The following WWOX variants were observed in gnomAD, a reference collection of about 807,000 sequenced individuals.
The protein encoded by WWOX is WW domain containing oxidoreductase.
WWOX carries 69 observed loss-of-function variants against 46.2 expected under a neutral mutation model. The observed-to-expected ratio is 1.49, with a 90% confidence interval of 1.23 to 1.82. The LOEUF is 1.82. WWOX is among the 40% of genes most tolerant of loss of function. The pLI, the probability that WWOX is intolerant of heterozygous loss-of-function variation, is 0.00. For synonymous variants in WWOX, 359 were observed against 202.6 expected (o/e 1.77, Z -6.56); for missense variants, 919 against 542.6 (o/e 1.69, Z -6.89).
At position 79,095,686 on chromosome 16, in the gene WWOX, A is replaced by G. The variant is rs1002563929; in HGVS notation, c.1057-115922A>G. 9.2e-5 allele frequency among the ~76,000 whole-genome samples: 14 copies of G among 152,192 alleles called. No individual in the cohort carries two copies. In the South Asian group the frequency reaches 1.0e-3, roughly 11 times the overall value. ...TCAACATGGAACCATTATTTGTCAC[A>G]TGTGTTCTGTGTGCCAGGGACTGAG... On this transcript the variant is annotated intron_variant, in intron 8 of 8. Transcript: ENST00000566780.
intron 8 of WWOX, among the ~76,000 whole-genome samples, chr16:78,557,071 C>G (rs889747139): frequency 2.0e-5 from 3 of 151,992 alleles, no homozygotes; most frequent in African/African-American, 7.3e-5. Context: ...AGGGATTGTC[C>G]TAAGTGAGAA....
Position 78,280,721 on chromosome 16 carries a change from C to CT in WWOX, c.517-106138dup, listed in dbSNP as rs566853782. 5 of 152,310 alleles carry CT rather than the reference C, an allele frequency of 3.3e-5. 1 individual carries two copies. The East Asian group carries it at 9.6e-4, about 29-fold the overall frequency. The allele number at this position is 152,310 out of a possible 1,614,324, so 9.4% of individuals were successfully genotyped here. A position where few individuals can be genotyped will look rare whatever the true frequency, so the allele number is the denominator to read the frequency against. On this transcript the variant is annotated intron_variant, in intron 5 of 8. Transcript: ENST00000566780. ...CCTGTTTAGGAAAAAAAAAGCGCAG[C>CT]TCACTGCCAGCGCTCATTTAATTTT...
At chr16:78,395,660 A>G (rs903407967) in intron 6 of WWOX, among the ~76,000 whole-genome samples, 1 of 152,244 alleles carries the variant, frequency 6.6e-6, no homozygotes, top group Non-Finnish European at 1.5e-5. Flanking sequence ...CTAGGGTGAC[A>G]AGAGCCAAGA....
At chr16:78,365,194 T>C (rs1002466839) in intron 5 of WWOX, among the ~76,000 whole-genome samples, 9 of 152,204 alleles carry the variant, frequency 5.9e-5, no homozygotes, top group Non-Finnish European at 1.3e-4. Context: ...AAGTGCCCAG[T>C]TTAGTGCCTG....
intron 8 of WWOX, among the ~76,000 whole-genome samples, chr16:78,558,944 C>T (rs1037769875): frequency 6.6e-6 from 1 of 152,222 alleles, no homozygotes; most frequent in East Asian, 1.9e-4. Context: ...TTGTGGTTAT[C>T]TGTTTAATTC....
intron 8 of WWOX, among the ~76,000 whole-genome samples, chr16:78,663,309 T>C (rs2047259396): frequency 6.6e-6 from 1 of 152,210 alleles, no homozygotes; most frequent in Non-Finnish European, 1.5e-5. Context: ...ATTTCATGTA[T>C]TAATATTATG....
At chr16:78,974,252 T>C (rs57612067) in intron 8 of WWOX, among the ~76,000 whole-genome samples, 2,878 of 152,322 alleles carry the variant, frequency 0.019, 169 homozygotes, top group East Asian at 0.18. Flanking sequence ...AGAGAAAAAC[T>C]GTCTCTAATG....
intron 8 of WWOX, among the ~76,000 whole-genome samples, chr16:78,533,686 C>G (rs917130435): frequency 2.0e-5 from 3 of 152,150 alleles, no homozygotes; most frequent in Non-Finnish European, 4.4e-5. Flanking sequence ...ACCCATTTTC[C>G]CCAGACCTAA....
intron 8 of WWOX, among the ~76,000 whole-genome samples, chr16:78,773,970 G>C (rs1281966183): frequency 2.6e-5 from 4 of 152,216 alleles, no homozygotes; most frequent in Non-Finnish European, 5.9e-5. Context: ...GAAAGCATGT[G>C]GCTGAAATGA....
At chr16:79,087,164 T>G (rs2048868891) in intron 8 of WWOX, among the ~76,000 whole-genome samples, 1 of 152,134 alleles carries the variant, frequency 6.6e-6, no homozygotes, top group African/African-American at 2.4e-5. Flanking sequence ...TTCATGAAAT[T>G]TATGGAACAG....
Position 78,862,117 on chromosome 16 carries a change from T to G in WWOX, c.1057-349491T>G, listed in dbSNP as rs536214454. On this transcript the variant is annotated intron_variant, in intron 8 of 8. Coordinates refer to ENST00000566780, the MANE Select transcript of WWOX (RefSeq NM_016373.4). ...GTGTCTGTATCTATACACACACCTA[T>G]GGGTGTGTCTATCTATATCTATACA... is the stretch of plus-strand genomic sequence containing the variant. Among the ~76,000 whole-genome samples, 5 of 137,520 alleles carry G rather than the reference T, an allele frequency of 3.6e-5. No individual in the cohort carries two copies. The Admixed American group carries it at 3.7e-4, about 10-fold the overall frequency. 90.2% of individuals were successfully genotyped at this position (137,520 alleles called of 152,430 possible). A position where few individuals can be genotyped will look rare whatever the true frequency, so the allele number is the denominator to read the frequency against.
At chr16:79,009,366 A>G (rs2047257345) in intron 8 of WWOX, among the ~76,000 whole-genome samples, 1 of 152,134 alleles carries the variant, frequency 6.6e-6, no homozygotes, top group South Asian at 2.1e-4. Context: ...ACAAATGCTT[A>G]TGGAGCTCTA....
chr16:78,825,664 G>C, intron 8 of WWOX: 1 of 527,674 alleles, frequency 1.9e-6, no homozygotes, highest in Non-Finnish European at 3.7e-6. Flanking sequence ...ATGAATAGGG[G>C]GGCCATAGGC....
At chr16:78,295,066 G>C (rs1025430214) in intron 5 of WWOX, among the ~76,000 whole-genome samples, 7 of 152,162 alleles carry the variant, frequency 4.6e-5, no homozygotes, top group Non-Finnish European at 7.4e-5. Context: ...CCTAGGTATT[G>C]TGGGGCCGCT....
At chr16:79,146,172 G>C (rs2050179485) in intron 8 of WWOX, among the ~76,000 whole-genome samples, 1 of 152,300 alleles carries the variant, frequency 6.6e-6, no homozygotes, top group Middle Eastern at 3.4e-3. Context: ...TTATAATTTA[G>C]TCAGATGAGC....
intron 8 of WWOX, among the ~76,000 whole-genome samples, chr16:78,718,092 G>GTTTTTTTTTTTTTTTTTTTTTTTTTTTT: frequency 2.9e-5 from 4 of 139,612 alleles, no homozygotes; most frequent in Admixed American, 7.0e-5. Flanking sequence ...GGTTCTGGTG[G>GTTTTTTTTTTTTTTTTTTTTTTTTTTTT]TTGTATTTTT....
At chr16:78,323,447 G>T (rs1456662521) in intron 5 of WWOX, among the ~76,000 whole-genome samples, 1 of 152,012 alleles carries the variant, frequency 6.6e-6, no homozygotes, top group Non-Finnish European at 1.5e-5. Flanking sequence ...AGCAAGCAAG[G>T]CTCAGTTAAT....
At chr16:78,458,058 C>A (rs1239122214) in intron 8 of WWOX, among the ~76,000 whole-genome samples, 3 of 148,306 alleles carry the variant, frequency 2.0e-5, no homozygotes, top group Admixed American at 6.7e-5. Flanking sequence ...GCCTGGGTGA[C>A]AAAAAAAAAA....
chr16:78,649,507 C>A lies in WWOX; in HGVS notation c.1056+216755C>A, dbSNP rs549650779. Reference sequence around the variant, plus strand: ...GCCCAGGCTGGTGTTGAACTCCTGGCCTCAAGCGATCCTCCTGCCTCGGCC... The same window carrying A: ...GCCCAGGCTGGTGTTGAACTCCTGGACTCAAGCGATCCTCCTGCCTCGGCC... On this transcript the variant is annotated intron_variant, in intron 8 of 8. Transcript: ENST00000566780. Among the ~76,000 whole-genome samples, 6 of 152,154 alleles carry A rather than the reference C, an allele frequency of 3.9e-5. No homozygotes were observed. In the South Asian group the frequency reaches 8.3e-4, roughly 21 times the overall value.
Sources: allele counts gnomAD v4.1 joint callset (sites outside exome capture counted in the v4.1 genomes callset), GRCh38; gene constraint gnomAD v4.1.1; transcripts MANE v1.5; gene names NCBI Gene and HGNC (gene_info 2026-07-23, HGNC 2026-07-21).